The following MRPL18 variants were observed in gnomAD, a reference collection of about 807,000 sequenced individuals.
MRPL18 encodes the protein mitochondrial ribosomal protein L18, also known as large ribosomal subunit protein uL18m.
MRPL18 carries 16 observed loss-of-function variants against 20.9 expected under a neutral mutation model. The observed-to-expected ratio is 0.76, with a 90% CI of 0.52 to 1.16. The LOEUF is 1.16. Ranked by LOEUF, MRPL18 falls within the 50% of genes most tolerant of loss-of-function variation. MRPL18 has a pLI of 0.00. For missense variants in MRPL18, 233 were observed against 230.6 expected, an observed-to-expected ratio of 1.01 and a Z score of -0.07; for synonymous variants, 91 against 87.1, an observed-to-expected ratio of 1.04 and a Z score of -0.25.
intron 2 of MRPL18, 90 bp from the exon 3 acceptor site, chr6:159,797,197 G>A (rs907495186): frequency 1.6e-6 from 2 of 1,252,778 alleles, no homozygotes; most frequent in Admixed American, 4.1e-5. Flanking sequence ...CTGGATTGTT[G>A]AAAAATATTT....
rs754454084 is a variant in MRPL18 at position 159,798,173 on chromosome 6, T to C, written c.*50T>C. 1.4e-6 allele frequency: 2 copies of C among 1,465,900 alleles called. No homozygotes were observed. Among genetic ancestry groups the C allele is most frequent in the Non-Finnish European group, 1.9e-6 (2 of 1,054,460 alleles). 90.8% of individuals were successfully genotyped at this position (1,465,900 alleles called of 1,614,324 possible). On this transcript the variant is annotated 3_prime_UTR_variant, in exon 4 of 4. Coordinates refer to ENST00000367034, the MANE Select transcript of MRPL18 (RefSeq NM_014161.5). ...ATGTAAATATAAATCTGTCAGCCAC[T>C]ACAGCCATCAAAAGAGAGCATCTGG...
At chr6:159,792,404 C>G (rs927451) in intron 2 of MRPL18, among the ~76,000 whole-genome samples, 1 of 151,878 alleles carries the variant, frequency 6.6e-6, no homozygotes, top group African/African-American at 2.4e-5. Flanking sequence ...GTATCACTTG[C>G]TAGGCATTGC....
At position 159,798,321 on chromosome 6, in the gene MRPL18, G is replaced by A; in HGVS notation, c.*198G>A. The A allele has an allele frequency of 8.6e-6, 4 of 465,648 alleles. No individual in the cohort carries two copies. Among genetic ancestry groups the A allele is most frequent in the Non-Finnish European group, 1.5e-5 (4 of 264,740 alleles). 28.8% of individuals were successfully genotyped at this position (465,648 alleles called of 1,614,324 possible). On this transcript the variant is annotated 3_prime_UTR_variant, in exon 4 of 4. Coordinates refer to ENST00000367034, the MANE Select transcript of MRPL18 (RefSeq NM_014161.5). Reference sequence around the variant, plus strand: ...AAGAACTACGTTCTGCCCCTCTCTTGGGCTTCAGAAGCATCTAAGAAAAGC... The same window carrying A: ...AAGAACTACGTTCTGCCCCTCTCTTAGGCTTCAGAAGCATCTAAGAAAAGC...
At position 159,798,423 on chromosome 6, in the gene MRPL18, ACT is replaced by A. The variant is rs548125002; in HGVS notation, c.*303_*304del. On this transcript the variant is annotated 3_prime_UTR_variant, in exon 4 of 4. Transcript: ENST00000367034. ...ATTACAAAATAAAGGCATATTATGA[ACT>A]CTTATTTTCTGGTTATATGACATTG... is the stretch of plus-strand genomic sequence containing the variant. 7 of 281,690 alleles carry A rather than the reference ACT, an allele frequency of 2.5e-5. No individual in the cohort carries two copies. The highest frequency in any genetic ancestry group is 4.7e-5 in the Non-Finnish European group (7 of 149,974). 17.4% of individuals were successfully genotyped at this position (281,690 alleles called of 1,614,324 possible).
At chr6:159,792,383 G>A (rs1780923283) in intron 2 of MRPL18, among the ~76,000 whole-genome samples, 1 of 152,142 alleles carries the variant, frequency 6.6e-6, no homozygotes, top group Admixed American at 6.5e-5. Flanking sequence ...TATTGAACAA[G>A]CATCATACCT....
Position 159,790,487 on chromosome 6 carries a change from C to T in MRPL18, c.-101C>T. 2.6e-6 allele frequency: 4 copies of T among 1,512,644 alleles called. No individual in the cohort carries two copies. Among genetic ancestry groups the T allele is most frequent in the Middle Eastern group, 1.7e-4 (1 of 5,762 alleles). The allele number at this position is 1,512,644 out of a possible 1,614,324, so 93.7% of individuals were successfully genotyped here. ...GCGTGGAGAGTTTGGGGATCTACAG[C>T]AGCCAAAGGCTTGTCCCTGACTTTA... On this transcript the variant is annotated 5_prime_UTR_variant, in exon 1 of 4. Transcript: ENST00000367034.
chr6:159,790,874 G>A, intron 1 of MRPL18, 66 bp from the exon 2 acceptor site: 5 of 1,579,754 alleles, frequency 3.2e-6, no homozygotes, highest in Non-Finnish European at 4.3e-6. Context: ...ATAGACGTTA[G>A]AGCGGGTTCG....
intron 2 of MRPL18, among the ~76,000 whole-genome samples, chr6:159,794,760 C>T (rs1012751674): frequency 5.3e-5 from 8 of 152,210 alleles, no homozygotes; most frequent in Non-Finnish European, 8.8e-5. Context: ...TGCCCCTCCT[C>T]ACCTGTGGGT....
chr6:159,790,848 G>C (rs199722291), intron 1 of MRPL18, 92 bp from the exon 2 acceptor site: 65 of 1,501,952 alleles, frequency 4.3e-5, no homozygotes, highest in Non-Finnish European at 5.5e-5. Flanking sequence ...CCTAAAGATT[G>C]GGGGTGTAAA....
chr6:159,793,783 G>A (rs1412778252), intron 2 of MRPL18, among the ~76,000 whole-genome samples: 1 of 152,088 alleles, frequency 6.6e-6, no homozygotes, highest in Admixed American at 6.6e-5. Context: ...GTGGTGGCAG[G>A]CACCTGTAGT....
intron 2 of MRPL18, among the ~76,000 whole-genome samples, chr6:159,793,238 A>C (rs1420589480): frequency 6.6e-6 from 1 of 152,214 alleles, no homozygotes; most frequent in Non-Finnish European, 1.5e-5. Context: ...AGAATTTCAG[A>C]ATATTATAGT....
At chr6:159,795,163 TTTA>T (rs1026918136) in intron 2 of MRPL18, among the ~76,000 whole-genome samples, 11 of 152,200 alleles carry the variant, frequency 7.2e-5, no homozygotes, top group Admixed American at 2.6e-4. Flanking sequence ...ACAATCGGGT[TTTA>T]TACCGAGACA....
chr6:159,791,088 C>T lies in MRPL18; in HGVS notation c.201C>T (p.Gly67=), dbSNP rs1286960976. 4 of 1,614,196 alleles carry T rather than the reference C, an allele frequency of 2.5e-6. No homozygotes were observed. Among genetic ancestry groups the T allele is most frequent in the Non-Finnish European group, 3.4e-6 (4 of 1,180,046 alleles). The change falls in exon 2 of 4, where the codon GGC becomes GGT. Residue 67 remains glycine (G), a synonymous_variant. Transcript: ENST00000367034. ...TATCTGTAGCCAGGAAAGAGCGGGG[C>T]TGGCGGACGGTGTTTCCCTCCCGTG... The part of the protein sequence containing the change: ...ELLSVARKER[G]WRTVFPSREF...
Position 159,791,066 on chromosome 6 carries a change from C to G in MRPL18, c.179C>G (p.Ser60Cys), listed in dbSNP as rs760715790. 4 of 1,614,096 alleles carry G rather than the reference C, an allele frequency of 2.5e-6. No individual in the cohort carries two copies. The African/African-American group carries it at 5.3e-5, about 22-fold the overall frequency. The change falls in exon 2 of 4, where the codon TCT (serine) becomes TGT (cysteine). Residue 60 changes from serine (S) to cysteine (C), a missense_variant. Ser to Cys is a moderately radical substitution (Grantham distance 112, BLOSUM62 -1). Transcript: ENST00000367034. ...NRNPRNLELL[S>C]VARKERGWRT... is the part of the protein sequence containing the mutation. ...AACCCCCGGAACCTGGAGCTTTTATCTGTAGCCAGGAAAGAGCGGGGCTGG... is the reference window on the plus strand; with the variant it reads ...AACCCCCGGAACCTGGAGCTTTTATGTGTAGCCAGGAAAGAGCGGGGCTGG...
intron 2 of MRPL18, among the ~76,000 whole-genome samples, chr6:159,792,984 CTT>C (rs55640242): frequency 0.47 from 68,528 of 145,636 alleles, 17,002 homozygotes; most frequent in Non-Finnish European, 0.55. Flanking sequence ...TTTTCTTTTT[CTT>C]TTTTTTTTTT....
intron 2 of MRPL18, among the ~76,000 whole-genome samples, chr6:159,796,568 G>A (rs1449400801): frequency 4.0e-5 from 6 of 151,660 alleles, no homozygotes; most frequent in Admixed American, 6.6e-5. Context: ...AGGGTGGGTC[G>A]CTTGAGGCCA....
chr6:159,794,863 A>G (rs563193709), intron 2 of MRPL18, among the ~76,000 whole-genome samples: 102 of 152,334 alleles, frequency 6.7e-4, no homozygotes, highest in Middle Eastern at 6.8e-3. Flanking sequence ...AGCGTTCAGC[A>G]TATGGAGGAT....
At chr6:159,793,122 C>T (rs541860409) in intron 2 of MRPL18, among the ~76,000 whole-genome samples, 4 of 152,108 alleles carry the variant, frequency 2.6e-5, no homozygotes, top group Middle Eastern at 3.4e-3. Flanking sequence ...CCACTGCACT[C>T]GGCCCCAACG....
chr6:159,790,048 A>G (rs889456453), upstream of MRPL18: 2 of 171,526 alleles, frequency 1.2e-5, no homozygotes, highest in Non-Finnish European at 2.6e-5. Flanking sequence ...GCTTTGCTCC[A>G]GGCCTCAGGA....
Sources: allele counts gnomAD v4.1 joint callset (sites outside exome capture counted in the v4.1 genomes callset), GRCh38; gene constraint gnomAD v4.1.1; transcripts MANE v1.5; gene names NCBI Gene and HGNC (gene_info 2026-07-23, HGNC 2026-07-21).